TMEM132D: variants seen among roughly 807,000 people sequenced by gnomAD.
TMEM132D encodes the protein mature OL transmembrane protein.
Under a neutral mutation model 62.3 loss-of-function variants are expected in TMEM132D, and 21 were observed. The observed-to-expected ratio is 0.34, with a 90% CI of 0.24 to 0.49. TMEM132D has a LOEUF of 0.49. TMEM132D is among the 20% of genes least tolerant of loss of function. The pLI, the probability that TMEM132D is intolerant of heterozygous loss-of-function variation, is 0.99. For synonymous variants in TMEM132D, 621 were observed against 575.6 expected (o/e 1.08, Z -1.13); for missense variants, 1,346 against 1,402.8 (o/e 0.96, Z 0.65).
At chr12:129,567,789 A>G (rs898128930) in intron 2 of TMEM132D, among the ~76,000 whole-genome samples, 4 of 152,138 alleles carry the variant, frequency 2.6e-5, no homozygotes, top group African/African-American at 9.7e-5. Flanking sequence ...GTTTTTGTTT[A>G]TAATATGGTG....
intron 5 of TMEM132D, among the ~76,000 whole-genome samples, chr12:129,157,094 C>T (rs1054290602): frequency 2.0e-5 from 3 of 152,262 alleles, no homozygotes; most frequent in African/African-American, 7.2e-5. Context: ...ATAACTAGCC[C>T]ACTCCAGAGA....
intron 2 of TMEM132D, among the ~76,000 whole-genome samples, chr12:129,686,591 T>TA (rs942588931): frequency 5.3e-5 from 8 of 151,954 alleles, no homozygotes; most frequent in South Asian, 2.1e-4. Context: ...CTAAACATTC[T>TA]AAAAAAAATT....
chr12:129,608,068 G>C (rs971865346), intron 2 of TMEM132D, among the ~76,000 whole-genome samples: 1 of 152,292 alleles, frequency 6.6e-6, no homozygotes, highest in Middle Eastern at 3.4e-3. Context: ...ATTGCAAGAA[G>C]AATAGAATAA....
intron 1 of TMEM132D, among the ~76,000 whole-genome samples, chr12:129,733,089 G>A (rs976890999): frequency 6.6e-6 from 1 of 152,112 alleles, no homozygotes; most frequent in Non-Finnish European, 1.5e-5. Context: ...ATAACATTTT[G>A]ATCATAGGGA....
intron 4 of TMEM132D, among the ~76,000 whole-genome samples, chr12:129,322,645 G>T (rs1868761009): frequency 6.6e-6 from 1 of 151,974 alleles, no homozygotes; most frequent in South Asian, 2.1e-4. Flanking sequence ...TGGGTTCTAG[G>T]TTCCATCATT....
rs1025141689 is a variant in TMEM132D, at chr12:129,073,116, G to A, written c.*759C>T. On this transcript the variant is annotated 3_prime_UTR_variant, in exon 9 of 9. Transcript: ENST00000422113. Reference sequence around the variant, plus strand: ...TGAACTTGATATGAATCAAAAGAGCGTGGTTCTTTGAACCTGATTCAAATT... The same window carrying A: ...TGAACTTGATATGAATCAAAAGAGCATGGTTCTTTGAACCTGATTCAAATT... 2 of 152,234 alleles carry A rather than the reference G, an allele frequency of 1.3e-5. No homozygotes were observed. The highest frequency in any genetic ancestry group is 1.3e-4 in the Admixed American group (2 of 15,284). The allele number at this position is 152,234 out of a possible 1,614,324, so 9.4% of individuals were successfully genotyped here.
intron 4 of TMEM132D, among the ~76,000 whole-genome samples, chr12:129,327,091 T>G (rs1443719889): frequency 6.6e-6 from 1 of 152,104 alleles, no homozygotes; most frequent in Non-Finnish European, 1.5e-5. Context: ...GTGACAATAG[T>G]AGGTGCTTCT....
intron 3 of TMEM132D, among the ~76,000 whole-genome samples, chr12:129,478,767 G>C (rs2137051861): frequency 1.3e-5 from 2 of 152,280 alleles, no homozygotes; most frequent in East Asian, 3.9e-4. Flanking sequence ...AAATCTGGGA[G>C]AGGGTTCTGC....
intron 3 of TMEM132D, among the ~76,000 whole-genome samples, chr12:129,395,883 TTATA>T (rs1871413051): frequency 6.8e-6 from 1 of 147,028 alleles, no homozygotes; most frequent in East Asian, 1.9e-4. Context: ...AAATATATAT[TTATA>T]TAACATTTAT....
chr12:129,485,786 G>A (rs1426963952), intron 3 of TMEM132D, among the ~76,000 whole-genome samples: 1 of 152,186 alleles, frequency 6.6e-6, no homozygotes, highest in Non-Finnish European at 1.5e-5. Context: ...CTGAGGAATT[G>A]AGTCCAAGAA....
chr12:129,226,763 G>A (rs1421882068), intron 4 of TMEM132D, among the ~76,000 whole-genome samples: 1 of 152,126 alleles, frequency 6.6e-6, no homozygotes, highest in Non-Finnish European at 1.5e-5. Flanking sequence ...AGGGTGCACT[G>A]GCCTAAGGGC....
chr12:129,809,295 G>A (rs1214260873), intron 1 of TMEM132D, among the ~76,000 whole-genome samples: 4 of 128,424 alleles, frequency 3.1e-5, no homozygotes, highest in Admixed American at 8.7e-5. Flanking sequence ...GCGACAGAGC[G>A]AGACTCCATA....
chr12:129,258,177 T>A (rs532483486), intron 4 of TMEM132D, among the ~76,000 whole-genome samples: 3 of 152,338 alleles, frequency 2.0e-5, no homozygotes, highest in African/African-American at 4.8e-5. Context: ...TGAACTTCAT[T>A]ACCCTCATTT....
intron 3 of TMEM132D, among the ~76,000 whole-genome samples, chr12:129,460,692 T>G (rs1566076327): frequency 6.6e-6 from 1 of 152,202 alleles, no homozygotes; most frequent in Non-Finnish European, 1.5e-5. Flanking sequence ...AAATACCACA[T>G]GACGATGACC....
chr12:129,603,812 T>C (rs1030122892), intron 2 of TMEM132D, among the ~76,000 whole-genome samples: 14 of 152,204 alleles, frequency 9.2e-5, no homozygotes, highest in African/African-American at 3.1e-4. Context: ...AGCAATCCCA[T>C]TACTGCGTAT....
chr12:129,090,667 G>GAA (rs34050478), intron 5 of TMEM132D, among the ~76,000 whole-genome samples: 10 of 150,062 alleles, frequency 6.7e-5, no homozygotes, highest in South Asian at 2.1e-4. Context: ...GACCCTGTCT[G>GAA]AAAAAAAAAG....
At chr12:129,231,803 A>G (rs10773622) in intron 4 of TMEM132D, among the ~76,000 whole-genome samples, 52,262 of 152,026 alleles carry the variant, frequency 0.34, 9,145 homozygotes, top group Middle Eastern at 0.43. Context: ...ATGAGAAAAC[A>G]TGAACATAGA....
At chr12:129,282,697 AG>A (rs1271323611) in intron 4 of TMEM132D, among the ~76,000 whole-genome samples, 1 of 152,232 alleles carries the variant, frequency 6.6e-6, no homozygotes, top group Non-Finnish European at 1.5e-5. Flanking sequence ...GTTGAAAATT[AG>A]AAAACTCCAC....
chr12:129,859,579 T>C (rs1873827348), intron 1 of TMEM132D, among the ~76,000 whole-genome samples: 1 of 152,196 alleles, frequency 6.6e-6, no homozygotes, highest in Non-Finnish European at 1.5e-5. Flanking sequence ...GTCAATGGAC[T>C]GGGAGATGCA....
Sources: gnomAD v4.1 joint callset for allele counts (sites outside exome capture counted in the v4.1 genomes callset) on GRCh38, gnomAD v4.1.1 for gene constraint, MANE v1.5 for transcripts, NCBI Gene and HGNC (gene_info 2026-07-23, HGNC 2026-07-21) for gene names.